LIN28B: variants seen among roughly 807,000 people sequenced by gnomAD.
The protein encoded by LIN28B is protein lin-28 homolog B.
In LIN28B, 5 loss-of-function variants were observed where a neutral mutation model predicts 21.9. That is an observed-to-expected ratio of 0.23 (90% CI 0.12 to 0.48). LIN28B has a LOEUF of 0.48. Among genes scored for constraint, LIN28B ranks in the 20% least tolerant of loss-of-function variants. The probability of loss-of-function intolerance (pLI) is 0.98; values close to 1 mark genes in which losing one functional copy is unlikely to be tolerated. For synonymous variants in LIN28B, 109 were observed against 111.3 expected (o/e 0.98, Z 0.13); for missense variants, 245 against 310.5 (o/e 0.79, Z 1.58).
chr6:105,014,731 A>C (rs1430065728), intron 2 of LIN28B, among the ~76,000 whole-genome samples: 1 of 152,164 alleles, frequency 6.6e-6, no homozygotes, highest in Non-Finnish European at 1.5e-5. Context: ...TGGATTACAG[A>C]TATAAGCCAC....
chr6:104,965,236 A>T (rs1769829973), intron 2 of LIN28B, among the ~76,000 whole-genome samples: 1 of 152,230 alleles, frequency 6.6e-6, no homozygotes. Flanking sequence ...TGTTATTTAA[A>T]ATAATTCTTT....
intron 2 of LIN28B, among the ~76,000 whole-genome samples, chr6:104,971,846 A>T (rs1297505083): frequency 6.6e-6 from 1 of 152,176 alleles, no homozygotes; most frequent in African/African-American, 2.4e-5. Flanking sequence ...CAAATCCATG[A>T]TCCTCCCTCA....
chr6:105,072,524 C>T (rs1772351253), intron 3 of LIN28B, among the ~76,000 whole-genome samples: 1 of 151,966 alleles, frequency 6.6e-6, no homozygotes, highest in African/African-American at 2.4e-5. Context: ...TTCTATATTC[C>T]AGAAGATCCA....
chr6:105,041,863 T>G (rs939770760), intron 3 of LIN28B, among the ~76,000 whole-genome samples: 3 of 152,106 alleles, frequency 2.0e-5, no homozygotes, highest in African/African-American at 4.8e-5. Context: ...TTTGATATAT[T>G]GTAAGTTTGA....
chr6:104,937,863 G>A (rs929000839), intron 2 of LIN28B, among the ~76,000 whole-genome samples: 5 of 151,836 alleles, frequency 3.3e-5, no homozygotes, highest in Admixed American at 1.3e-4. Flanking sequence ...TGTAGGCATT[G>A]GAGATATTAA....
At chr6:105,061,482 T>G (rs376624699) in intron 3 of LIN28B, among the ~76,000 whole-genome samples, 2 of 152,038 alleles carry the variant, frequency 1.3e-5, no homozygotes, top group African/African-American at 4.8e-5. Context: ...ATTTTAAGCT[T>G]CTTCTGCTAT....
chr6:105,075,947 A>G (rs554286150), intron 3 of LIN28B, among the ~76,000 whole-genome samples: 2 of 152,372 alleles, frequency 1.3e-5, no homozygotes, highest in Admixed American at 1.3e-4. Flanking sequence ...AAGATATTTT[A>G]TAGATGGGCA....
intron 3 of LIN28B, among the ~76,000 whole-genome samples, chr6:105,046,064 C>T (rs1001648724): frequency 2.3e-4 from 35 of 152,118 alleles, no homozygotes; most frequent in African/African-American, 5.8e-4. Flanking sequence ...ATGTGCACAA[C>T]GTGCAGGTTT....
At chr6:105,057,836 AC>A (rs1772050142) in intron 3 of LIN28B, among the ~76,000 whole-genome samples, 1 of 152,162 alleles carries the variant, frequency 6.6e-6, no homozygotes. Context: ...TAGGGGCATT[AC>A]AAAAATACTT....
At chr6:104,958,411 A>G in intron 2 of LIN28B, 125 bp downstream of exon 2, 1 of 701,336 alleles carries the variant, frequency 1.4e-6, no homozygotes, top group Admixed American at 2.6e-5. Context: ...CTTCCCTGAA[A>G]TCACTAGGTA....
chr6:105,057,676 G>C (rs1772047047), intron 3 of LIN28B, among the ~76,000 whole-genome samples: 1 of 151,924 alleles, frequency 6.6e-6, no homozygotes, highest in Non-Finnish European at 1.5e-5. Flanking sequence ...TTGTATTATT[G>C]TGTAGTTTTA....
At chr6:104,943,191 C>T (rs1177799273) in intron 2 of LIN28B, among the ~76,000 whole-genome samples, 3 of 151,844 alleles carry the variant, frequency 2.0e-5, no homozygotes, top group Admixed American at 6.6e-5. Context: ...TCCCAAAATA[C>T]GGTGAATTTA....
At chr6:105,010,889 A>G (rs966740676) in intron 2 of LIN28B, among the ~76,000 whole-genome samples, 1 of 152,138 alleles carries the variant, frequency 6.6e-6, no homozygotes, top group Non-Finnish European at 1.5e-5. Context: ...CACAGACAAC[A>G]ATTATTTTCA....
intron 2 of LIN28B, among the ~76,000 whole-genome samples, chr6:104,992,827 C>G (rs1481386653): frequency 1.3e-5 from 2 of 151,838 alleles, no homozygotes; most frequent in Non-Finnish European, 2.9e-5. Flanking sequence ...GTATTTTTTA[C>G]TACTCTTTCT....
At chr6:105,015,932 A>G (rs1295374615) in intron 2 of LIN28B, among the ~76,000 whole-genome samples, 1 of 152,206 alleles carries the variant, frequency 6.6e-6, no homozygotes, top group Non-Finnish European at 1.5e-5. Context: ...CTAGGCTTAT[A>G]GTATACATCC....
intron 2 of LIN28B, among the ~76,000 whole-genome samples, chr6:104,989,264 C>T (rs186760574): frequency 6.6e-6 from 1 of 152,184 alleles, no homozygotes; most frequent in Non-Finnish European, 1.5e-5. Flanking sequence ...ATCTCTCTGT[C>T]AGAGTAGGGC....
At chr6:105,004,421 T>C (rs1231438531) in intron 2 of LIN28B, among the ~76,000 whole-genome samples, 2 of 152,244 alleles carry the variant, frequency 1.3e-5, no homozygotes, top group East Asian at 1.9e-4. Context: ...CACATTTAAA[T>C]TGGGTAGTGG....
chr6:104,954,940 CTT>C (rs1490094984), upstream of LIN28B, among the ~76,000 whole-genome samples: 1 of 152,118 alleles, frequency 6.6e-6, no homozygotes, highest in African/African-American at 2.4e-5. Flanking sequence ...TAAAAGCAAA[CTT>C]AAATGAATAT....
Position 105,078,458 on chromosome 6 carries a change from G to T in LIN28B, c.428G>T (p.Ser143Ile), listed in dbSNP as rs780526330. ...GGLDHHAKEC[S>I]LPPQPKKCHY... ...CTTGATCATCATGCTAAGGAATGTAGTCTACCTCCTCAGCCAAAGAAGTGC... is the reference window on the plus strand; with the variant it reads ...CTTGATCATCATGCTAAGGAATGTATTCTACCTCCTCAGCCAAAGAAGTGC... The change falls in exon 4 of 4, where the codon AGT becomes ATT. Residue 143 changes from serine (S) to isoleucine (I), a missense_variant. Ser to Ile is a moderately radical substitution (Grantham distance 142). Transcript: ENST00000345080. 1 of 1,613,690 alleles carries T rather than the reference G, an allele frequency of 6.2e-7. No homozygotes were observed. The highest frequency in any genetic ancestry group is 8.5e-7 in the Non-Finnish European group (1 of 1,179,660).
Sources: gnomAD v4.1 joint callset for allele counts (sites outside exome capture counted in the v4.1 genomes callset) on GRCh38, gnomAD v4.1.1 for gene constraint, MANE v1.5 for transcripts, NCBI Gene and HGNC (gene_info 2026-07-23, HGNC 2026-07-21) for gene names.